Variants in HYCC2 observed in about 807,000 individuals in gnomAD.
HYCC2 encodes hyccin 2.
chr2:200,988,407 C>T, the HYCC2 span: 1 of 1,611,858 alleles, frequency 6.2e-7, no homozygotes. Flanking sequence ...ATGAGTTTTT[C>T]ATGGCATTGG....
chr2:201,041,965 C>G, the HYCC2 span, among the ~76,000 whole-genome samples: 1 of 151,990 alleles, frequency 6.6e-6, no homozygotes, highest in South Asian at 2.1e-4. Flanking sequence ...CCCCTTTGCA[C>G]GGTCCTCCTC....
chr2:201,063,062 G>A, the HYCC2 span: 20 of 1,607,668 alleles, frequency 1.2e-5, no homozygotes, highest in Middle Eastern at 2.3e-4. Context: ...AAGAAGCATC[G>A]TTAAAGTCTC....
At chr2:201,070,566 G>A in the HYCC2 span, among the ~76,000 whole-genome samples, 1 of 152,046 alleles carries the variant, frequency 6.6e-6, no homozygotes, top group Non-Finnish European at 1.5e-5. Flanking sequence ...GCAGGAGAAT[G>A]GCTTGAACCC....
chr2:200,975,153 T>A, the HYCC2 span: 3 of 152,010 alleles, frequency 2.0e-5, no homozygotes, highest in Non-Finnish European at 4.4e-5. Context: ...ATATTGACAT[T>A]TATTGACATA....
the HYCC2 span, among the ~76,000 whole-genome samples, chr2:201,035,643 G>A: frequency 6.6e-6 from 1 of 152,190 alleles, no homozygotes; most frequent in Non-Finnish European, 1.5e-5. Context: ...CATTGCTGGT[G>A]AGGAGCTGCG....
the HYCC2 span, among the ~76,000 whole-genome samples, chr2:200,989,990 T>C: frequency 6.6e-6 from 1 of 152,146 alleles, no homozygotes; most frequent in Non-Finnish European, 1.5e-5. Flanking sequence ...TAGCATTTTG[T>C]ATGTTTCCTC....
chr2:201,017,105 C>T, the HYCC2 span: 3 of 1,613,988 alleles, frequency 1.9e-6, no homozygotes, highest in South Asian at 1.1e-5. Context: ...GCAGTGTGAA[C>T]CTCTTAAGTC....
the HYCC2 span, among the ~76,000 whole-genome samples, chr2:201,007,816 A>AT: frequency 1.3e-5 from 2 of 152,118 alleles, no homozygotes; most frequent in African/African-American, 4.8e-5. Context: ...CTAATCAATC[A>AT]TGCCTACATA....
the HYCC2 span, among the ~76,000 whole-genome samples, chr2:201,007,703 T>G: frequency 1.3e-5 from 2 of 152,054 alleles, no homozygotes; most frequent in African/African-American, 4.8e-5. Context: ...TAGGTAGGAG[T>G]TGGCCATGCC....
chr2:201,040,789 A>G, the HYCC2 span, among the ~76,000 whole-genome samples: 2 of 152,158 alleles, frequency 1.3e-5, no homozygotes, highest in Admixed American at 6.5e-5. Context: ...CCAGCCTCAT[A>G]ATTGCTTCTG....
chr2:200,992,520 G>T, the HYCC2 span: 1 of 654,736 alleles, frequency 1.5e-6, no homozygotes, highest in Non-Finnish European at 2.8e-6. Context: ...CCCACTTTTG[G>T]TTATAAAAAC....
At chr2:201,055,420 T>G in the HYCC2 span, among the ~76,000 whole-genome samples, 1 of 147,554 alleles carries the variant, frequency 6.8e-6, no homozygotes, top group Non-Finnish European at 1.5e-5. Flanking sequence ...AATTCTAGGC[T>G]AGGCGTAGGG....
At chr2:200,999,675 C>A in the HYCC2 span, among the ~76,000 whole-genome samples, 5 of 147,458 alleles carry the variant, frequency 3.4e-5, no homozygotes, top group African/African-American at 1.2e-4. Flanking sequence ...CAGGCGTGAG[C>A]CACCGCACCC....
the HYCC2 span, chr2:200,987,572 C>T: frequency 7.8e-7 from 1 of 1,275,994 alleles, no homozygotes; most frequent in Non-Finnish European, 1.0e-6. Flanking sequence ...TTTTATGCTG[C>T]TCTATTATTT....
the HYCC2 span, among the ~76,000 whole-genome samples, chr2:201,018,576 A>C: frequency 7.5e-4 from 114 of 152,322 alleles, no homozygotes; most frequent in African/African-American, 2.7e-3. Flanking sequence ...TAGCTCTGGA[A>C]GAATTCTAAA....
the HYCC2 span, among the ~76,000 whole-genome samples, chr2:201,041,203 G>C: frequency 3.3e-5 from 5 of 152,182 alleles, no homozygotes; most frequent in African/African-American, 1.2e-4. Flanking sequence ...TCATCTAATA[G>C]ATAAGAAAAT....
chr2:200,983,941 A>G, the HYCC2 span, among the ~76,000 whole-genome samples: 1 of 152,250 alleles, frequency 6.6e-6, no homozygotes, highest in African/African-American at 2.4e-5. Context: ...GATATTTTAT[A>G]TACTAAGAAA....
chr2:201,035,831 T>G, the HYCC2 span, among the ~76,000 whole-genome samples: 25 of 152,204 alleles, frequency 1.6e-4, no homozygotes, highest in South Asian at 8.3e-4. Context: ...GTCAGGACCC[T>G]CAGCTGCAGG....
At chr2:201,056,986 C>G in the HYCC2 span, among the ~76,000 whole-genome samples, 1 of 152,220 alleles carries the variant, frequency 6.6e-6, no homozygotes, top group Non-Finnish European at 1.5e-5. Context: ...ATTGGACCAA[C>G]AAAATGTCTC....
Sources: gnomAD v4.1 joint callset for allele counts (sites outside exome capture counted in the v4.1 genomes callset) on GRCh38, gnomAD v4.1.1 for gene constraint, MANE v1.5 for transcripts, NCBI Gene and HGNC (gene_info 2026-07-23, HGNC 2026-07-21) for gene names.